The following SEL1L3 variants were observed in gnomAD, a reference collection of about 807,000 sequenced individuals.
SEL1L3 encodes the protein protein sel-1 homolog 3.
Under a neutral mutation model 142.8 loss-of-function variants are expected in SEL1L3, and 76 were observed. The ratio of observed to expected loss-of-function variants is 0.53; its 90% CI spans 0.44 to 0.64. The LOEUF is 0.64. Ranked by LOEUF, SEL1L3 falls within the 30% of genes least tolerant of loss-of-function variation. The probability of loss-of-function intolerance (pLI) is 0.00; values close to 1 mark genes in which losing one functional copy is unlikely to be tolerated. For missense variants in SEL1L3, 1,262 were observed against 1,381.7 expected, an observed-to-expected ratio of 0.91 and a Z score of 1.37; for synonymous variants, 504 against 519.6, an observed-to-expected ratio of 0.97 and a Z score of 0.41.
At chr4:25,719,962 T>C in the SEL1L3 span, 1 of 152,214 alleles carries the variant, frequency 6.6e-6, no homozygotes, top group Non-Finnish European at 1.5e-5. Context: ...TTAGGTGTGA[T>C]TGATAGACTA....
the SEL1L3 span, among the ~76,000 whole-genome samples, chr4:25,714,533 T>C: frequency 2.7e-5 from 3 of 109,326 alleles, no homozygotes; most frequent in Non-Finnish European, 4.4e-5. Context: ...TCTTTCTTTC[T>C]TTCTTTCTTT....
rs1034773310 is a variant in SEL1L3 at position 25,756,587 on chromosome 4, C to T, written c.3259+947G>A. ...TTTGGGGATCAGGAAGGTTAAATAA[C>T]TTGCCATGAGTCATACAGCTAATGA... On this transcript the variant is annotated intron_variant, in intron 23 of 23. Transcript: ENST00000399878. The T allele has an allele frequency of 7.5e-6, 7 of 938,912 alleles. No individual in the cohort carries two copies. In the South Asian group the frequency reaches 2.0e-4, roughly 26 times the overall value. The allele number at this position is 938,912 out of a possible 1,614,324, so 58.2% of individuals were successfully genotyped here. A position where few individuals can be genotyped will look rare whatever the true frequency, so the allele number is the denominator to read the frequency against.
chr4:25,767,719 GAGA>G lies in SEL1L3; in HGVS notation c.2760+18_2760+20del, dbSNP rs1453796377. ...TCCTTAACCTCAGAGCTTCTACTCT[GAGA>G]AGAATACATTTACTTACTGGCCTCT... On this transcript the variant is annotated intron_variant, in intron 18 of 23. Transcript: ENST00000399878. 1.3e-6 allele frequency: 2 copies of G among 1,530,856 alleles called. No homozygotes were observed. The highest frequency in any genetic ancestry group is 2.3e-5 in the East Asian group (1 of 42,836). The allele number at this position is 1,530,856 out of a possible 1,614,324, so 94.8% of individuals were successfully genotyped here. A position where few individuals can be genotyped will look rare whatever the true frequency, so the allele number is the denominator to read the frequency against.
chr4:25,739,447 C>T, the SEL1L3 span, among the ~76,000 whole-genome samples: 3 of 152,122 alleles, frequency 2.0e-5, no homozygotes, highest in Non-Finnish European at 4.4e-5. Flanking sequence ...TGGCTCACGC[C>T]TGTAATCCCA....
intron 10 of SEL1L3, among the ~76,000 whole-genome samples, chr4:25,804,255 T>G (rs184310656): frequency 2.0e-5 from 3 of 152,314 alleles, no homozygotes; most frequent in African/African-American, 7.2e-5. Context: ...AAGGAGCACC[T>G]GTTCTTGAAG....
At chr4:25,726,966 A>C in the SEL1L3 span, among the ~76,000 whole-genome samples, 17,134 of 137,378 alleles carry the variant, frequency 0.12, 1,274 homozygotes, top group Middle Eastern at 0.18. Context: ...GCTTGCAGAC[A>C]GATCTTTCTC....
In SEL1L3 at chr4:25,819,746, CA is replaced by C. The variant is rs1470942546; in HGVS notation, c.1423+61del. 3.3e-6 allele frequency: 5 copies of C among 1,514,326 alleles called. No individual in the cohort carries two copies. The East Asian group carries it at 1.2e-4, about 35-fold the overall frequency. 93.8% of individuals were successfully genotyped at this position (1,514,326 alleles called of 1,614,324 possible). Reference sequence around the variant, plus strand: ...AATTTTAATCCTGTTATGGAGAAGCCAAACATGTGTTTATGTAAATGCACAG... The same window carrying C: ...AATTTTAATCCTGTTATGGAGAAGCCAACATGTGTTTATGTAAATGCACAG... On this transcript the variant is annotated intron_variant, in intron 8 of 23. Coordinates refer to ENST00000399878, the MANE Select transcript of SEL1L3 (RefSeq NM_015187.5).
chr4:25,714,086 A>G, the SEL1L3 span, among the ~76,000 whole-genome samples: 1 of 152,122 alleles, frequency 6.6e-6, no homozygotes, highest in South Asian at 2.1e-4. Context: ...TGTCTTAAGT[A>G]CTTTTTGTCC....
the SEL1L3 span, among the ~76,000 whole-genome samples, chr4:25,725,245 A>T: frequency 6.6e-6 from 1 of 152,162 alleles, no homozygotes; most frequent in African/African-American, 2.4e-5. Context: ...GAAGTTTGTT[A>T]AGAAAGTAAA....
At chr4:25,754,566 G>A (rs373221088) in intron 23 of SEL1L3, among the ~76,000 whole-genome samples, 3 of 151,736 alleles carry the variant, frequency 2.0e-5, no homozygotes, top group East Asian at 3.9e-4. Context: ...TACCACTGTC[G>A]GGGCACATTT....
At chr4:25,729,252 G>T in the SEL1L3 span, among the ~76,000 whole-genome samples, 1 of 151,478 alleles carries the variant, frequency 6.6e-6, no homozygotes, top group East Asian at 1.9e-4. Context: ...GCTGTGCACA[G>T]AGTGTCTTTG....
At chr4:25,745,120 C>T (rs908125472), downstream of SEL1L3, among the ~76,000 whole-genome samples, 2 of 152,082 alleles carry the variant, frequency 1.3e-5, no homozygotes, top group Non-Finnish European at 2.9e-5. Flanking sequence ...AAAGGCCAGG[C>T]GTGGTGGCTC....
intron 13 of SEL1L3, among the ~76,000 whole-genome samples, chr4:25,785,254 C>T (rs1711712275): frequency 6.6e-6 from 1 of 152,172 alleles, no homozygotes. Flanking sequence ...GCGCTAGTTA[C>T]CGTTCCTGTG....
chr4:25,821,956 AC>A, intron 7 of SEL1L3, 39 bp downstream of exon 7: 1 of 1,599,612 alleles, frequency 6.3e-7, no homozygotes, highest in Middle Eastern at 2.0e-4. Flanking sequence ...CACACCCATC[AC>A]CCAGGAGTAC....
chr4:25,767,547 A>G lies in SEL1L3; in HGVS notation c.2823T>C (p.Phe941=). 6.3e-7 allele frequency: 1 copy of G among 1,595,674 alleles called. No individual in the cohort carries two copies. Among genetic ancestry groups the G allele is most frequent in the Non-Finnish European group, 8.6e-7 (1 of 1,167,004 alleles). ...TACCAAAGGAAGGAGCATCGATTTGAAAAACAGAGAAATTATAGTATCTCC... is the reference window on the plus strand; with the variant it reads ...TACCAAAGGAAGGAGCATCGATTTGGAAAACAGAGAAATTATAGTATCTCC... ...CVWRYYNFSV[F]QIDAPSFAYL... is the part of the protein sequence containing the mutation. The change falls in exon 19 of 24, where the codon TTT becomes TTC. Residue 941 remains phenylalanine, a synonymous_variant. Coordinates refer to ENST00000399878, the MANE Select transcript of SEL1L3 (RefSeq NM_015187.5).
At chr4:25,848,906 A>T (rs1229897478) in intron 1 of SEL1L3, among the ~76,000 whole-genome samples, 1 of 152,244 alleles carries the variant, frequency 6.6e-6, no homozygotes, top group Non-Finnish European at 1.5e-5. Context: ...TGGGAGGCCC[A>T]GGTGGGTGGA....
chr4:25,784,211 C>A lies in SEL1L3; in HGVS notation c.2280+17G>T, dbSNP rs773682697. On this transcript the variant is annotated intron_variant, in intron 14 of 23. Coordinates refer to ENST00000399878, the MANE Select transcript of SEL1L3 (RefSeq NM_015187.5). ...GTGTGGTGGAACTGTTTCCCTCTGA[C>A]AATATGCATGTGTTACCTTGGAAGC... 1 of 1,603,174 alleles carries A rather than the reference C, an allele frequency of 6.2e-7. No homozygotes were observed. The highest frequency in any genetic ancestry group is 1.1e-5 in the South Asian group (1 of 90,862).
chr4:25,765,561 G>A (rs4697616), intron 19 of SEL1L3, 126 bp from the exon 20 acceptor site: 426,334 of 640,406 alleles, frequency 0.67, 143,252 homozygotes, highest in East Asian at 0.78. Context: ...ACATCTTTAT[G>A]TTTCCCTGAT....
At chr4:25,753,016 G>C (rs1436858470) in intron 23 of SEL1L3, among the ~76,000 whole-genome samples, 2 of 152,246 alleles carry the variant, frequency 1.3e-5, no homozygotes, top group African/African-American at 4.8e-5. Flanking sequence ...ACGGAAGAGG[G>C]AACTGAGGCA....
Sources: gnomAD v4.1 joint callset for allele counts (sites outside exome capture counted in the v4.1 genomes callset) on GRCh38, gnomAD v4.1.1 for gene constraint, MANE v1.5 for transcripts, NCBI Gene and HGNC (gene_info 2026-07-23, HGNC 2026-07-21) for gene names.